PBX1: variants seen among roughly 807,000 people sequenced by gnomAD.
PBX1 encodes PBX homeobox 1, also known as pre-B-cell leukemia transcription factor 1.
Under a neutral mutation model 53.4 loss-of-function variants are expected in PBX1, and 6 were observed. The observed-to-expected ratio is 0.11, with a 90% CI of 0.06 to 0.22. The LOEUF (loss-of-function observed/expected upper bound fraction) is 0.22, where lower values mean the gene tolerates loss of function less well. Among genes scored for constraint, PBX1 ranks in the 10% least tolerant of loss-of-function variants. The probability of loss-of-function intolerance (pLI) is 1.00; values close to 1 mark genes in which losing one functional copy is unlikely to be tolerated. For synonymous variants in PBX1, 204 were observed against 212.3 expected (o/e 0.96, Z 0.34); for missense variants, 251 against 551.4 (o/e 0.46, Z 5.46).
intron 2 of PBX1, among the ~76,000 whole-genome samples, chr1:164,741,256 A>G (rs911947910): frequency 6.6e-6 from 1 of 152,226 alleles, no homozygotes; most frequent in African/African-American, 2.4e-5. Flanking sequence ...TTCGTGGGAC[A>G]TGAGGAAGAG....
intron 2 of PBX1, among the ~76,000 whole-genome samples, chr1:164,871,564 T>C (rs1189320865): frequency 6.6e-6 from 1 of 152,208 alleles, no homozygotes; most frequent in Non-Finnish European, 1.5e-5. Context: ...CCCTGCCCCA[T>C]CATGGACAGG....
chr1:164,654,637 C>CT, intron 2 of PBX1, among the ~76,000 whole-genome samples: 2 of 152,288 alleles, frequency 1.3e-5, no homozygotes, highest in African/African-American at 4.8e-5. Context: ...AGAGAATGGT[C>CT]TGAGAGTGGA....
chr1:164,634,884 C>T (rs1022763249), intron 2 of PBX1, among the ~76,000 whole-genome samples: 24 of 151,968 alleles, frequency 1.6e-4, no homozygotes, highest in Admixed American at 1.2e-3. Context: ...ACTATGTGCA[C>T]GTGGTTCTAT....
chr1:164,735,621 G>A (rs1422253065), intron 2 of PBX1, among the ~76,000 whole-genome samples: 1 of 152,212 alleles, frequency 6.6e-6, no homozygotes, highest in Non-Finnish European at 1.5e-5. Context: ...TAAGGGCAGA[G>A]CGGGAGAGGT....
At chr1:164,751,873 C>T (rs747306965) in intron 2 of PBX1, among the ~76,000 whole-genome samples, 81 of 152,118 alleles carry the variant, frequency 5.3e-4, no homozygotes, top group Admixed American at 1.5e-3. Flanking sequence ...TGAGCCACCA[C>T]GCCCGGCCAG....
chr1:164,709,826 A>G (rs1297852896), intron 2 of PBX1, among the ~76,000 whole-genome samples: 1 of 152,278 alleles, frequency 6.6e-6, no homozygotes, highest in Admixed American at 6.5e-5. Flanking sequence ...CACGGACTCA[A>G]TTTTCACTTG....
At chr1:164,581,218 C>A (rs1432525401) in intron 2 of PBX1, among the ~76,000 whole-genome samples, 2 of 151,784 alleles carry the variant, frequency 1.3e-5, no homozygotes, top group South Asian at 2.1e-4. Context: ...CCAGCAGCTC[C>A]CCGACCGCCA....
At chr1:164,682,485 A>G (rs1340954415) in intron 2 of PBX1, 1 of 152,164 alleles carries the variant, frequency 6.6e-6, no homozygotes, top group African/African-American at 2.4e-5. Context: ...AACAAAACCA[A>G]ACCTCCTGAC....
intron 8 of PBX1, among the ~76,000 whole-genome samples, chr1:164,835,513 A>C (rs576447760): frequency 1.3e-5 from 2 of 152,158 alleles, no homozygotes; most frequent in Non-Finnish European, 2.9e-5. Context: ...TTATCAAATC[A>C]TTAAATGGCA....
At chr1:164,722,954 G>C (rs1313542463) in intron 2 of PBX1, among the ~76,000 whole-genome samples, 2 of 152,154 alleles carry the variant, frequency 1.3e-5, no homozygotes, top group African/African-American at 4.8e-5. Context: ...TTCTGGGGGA[G>C]AGTCATCAGA....
At position 164,763,728 on chromosome 1, in the gene PBX1, G is replaced by A. The variant is rs192738356; in HGVS notation, c.266-28766G>A. On this transcript the variant is annotated intron_variant, in intron 2 of 8. Coordinates refer to ENST00000420696, the MANE Select transcript of PBX1 (RefSeq NM_002585.4). ...TTAATAAATGTTTGCTGTATTGGGT[G>A]TAATTGTACACATTTGCAGCAAGGC... Among the ~76,000 whole-genome samples the A allele has an allele frequency of 3.7e-4, 56 of 152,334 alleles. 1 individual carries two copies. The highest frequency in any genetic ancestry group is 1.2e-3 in the African/African-American group (49 of 41,566).
At chr1:164,880,974 A>G (rs1378963632) in intron 2 of PBX1, among the ~76,000 whole-genome samples, 1 of 152,226 alleles carries the variant, frequency 6.6e-6, no homozygotes, top group Non-Finnish European at 1.5e-5. Flanking sequence ...CCCTCTGACT[A>G]GGAGCGGGAC....
At position 164,807,683 on chromosome 1, in the gene PBX1, C is replaced by G. The variant is rs752894296; in HGVS notation, c.837+6C>G. 2.5e-6 allele frequency: 4 copies of G among 1,613,766 alleles called. No homozygotes were observed. The East Asian group carries it at 8.9e-5, about 36-fold the overall frequency. ...GTGGCATCACAGTCTCCCAGGTAAGCAGCACCTCAAAAGCCTCAGCCTGTA... is the reference window on the plus strand; with the variant it reads ...GTGGCATCACAGTCTCCCAGGTAAGGAGCACCTCAAAAGCCTCAGCCTGTA... On this transcript the variant is annotated splice_donor_region_variant and intron_variant, in intron 5 of 8. Transcript: ENST00000420696.
chr1:164,735,709 C>T (rs370604285), intron 2 of PBX1, among the ~76,000 whole-genome samples: 12 of 152,262 alleles, frequency 7.9e-5, no homozygotes, highest in East Asian at 3.9e-4. Context: ...ACCACATGAC[C>T]ATTAACTCTG....
chr1:164,742,078 A>G (rs1162278197), intron 2 of PBX1, among the ~76,000 whole-genome samples: 2 of 152,194 alleles, frequency 1.3e-5, no homozygotes, highest in Non-Finnish European at 2.9e-5. Flanking sequence ...TTGAAAAGAA[A>G]GGTAACCTTT....
chr1:164,746,404 T>A (rs1665894778), intron 2 of PBX1, among the ~76,000 whole-genome samples: 1 of 152,174 alleles, frequency 6.6e-6, no homozygotes, highest in South Asian at 2.1e-4. Context: ...CAAGATGGAG[T>A]CTTGCTCTGT....
At chr1:164,664,830 G>A (rs750018044) in intron 2 of PBX1, among the ~76,000 whole-genome samples, 7 of 152,140 alleles carry the variant, frequency 4.6e-5, no homozygotes, top group East Asian at 1.9e-4. Flanking sequence ...GTCAGATCTC[G>A]TGAGACTTAT....
Position 164,776,942 on chromosome 1 carries a change from G to GGAGAGAGAGAGA in PBX1, c.266-15526_266-15515dup, listed in dbSNP as rs377054240. 8.0e-4 allele frequency among the ~76,000 whole-genome samples: 35 copies of GGAGAGAGAGAGA among 43,566 alleles called. 2 individuals carry two copies. The East Asian group carries it at 0.012, about 14-fold the overall frequency. The allele number at this position is 43,566 out of a possible 152,430, so 28.6% of individuals were successfully genotyped here. On this transcript the variant is annotated intron_variant, in intron 2 of 8. Coordinates refer to ENST00000420696, the MANE Select transcript of PBX1 (RefSeq NM_002585.4). ...GTGTGTGTGTGTGTGTGTGGTGGGAGGAGAGAGAGAGAGAGAGAGAGAGAG... is the reference window on the plus strand; with the variant it reads ...GTGTGTGTGTGTGTGTGTGGTGGGAGGAGAGAGAGAGAGAGAGAGAGAGAGAGAGAGAGAGAG...
chr1:164,771,053 C>G (rs1276047521), intron 2 of PBX1: 1 of 152,058 alleles, frequency 6.6e-6, no homozygotes, highest in Admixed American at 6.5e-5. Flanking sequence ...TCTTGCTTCT[C>G]CCTAAAAACC....
Sources: allele counts gnomAD v4.1 joint callset (sites outside exome capture counted in the v4.1 genomes callset), GRCh38; gene constraint gnomAD v4.1.1; transcripts MANE v1.5; gene names NCBI Gene and HGNC (gene_info 2026-07-23, HGNC 2026-07-21).